Variants in POU2F1 observed in about 807,000 individuals in gnomAD.
POU2F1 encodes the protein POU domain, class 2, transcription factor 1.
POU2F1 carries 16 observed loss-of-function variants against 84.9 expected under a neutral mutation model. The ratio of observed to expected loss-of-function variants is 0.19; its 90% CI spans 0.13 to 0.29. The LOEUF (loss-of-function observed/expected upper bound fraction) is 0.29, where lower values mean the gene tolerates loss of function less well. Among genes scored for constraint, POU2F1 ranks in the 10% least tolerant of loss-of-function variants. The pLI is 1.00. For missense variants in POU2F1, 738 were observed against 942.6 expected, an observed-to-expected ratio of 0.78 and a Z score of 2.84; for synonymous variants, 368 against 368.3, an observed-to-expected ratio of 1.00 and a Z score of 0.01.
chr1:167,248,524 G>A (rs932561025), intron 1 of POU2F1, among the ~76,000 whole-genome samples: 43 of 152,296 alleles, frequency 2.8e-4, no homozygotes, highest in African/African-American at 9.9e-4. Context: ...GATAAATGCT[G>A]TGAAGGATAT....
chr1:167,416,007 G>A lies in POU2F1; in HGVS notation c.*197G>A, dbSNP rs1415638819. On this transcript the variant is annotated 3_prime_UTR_variant, in exon 16 of 16. Transcript: ENST00000367866. ...AGAAAAAGAAAGAAAGGATGGAGAC[G>A]GAACATTTGCCTAATTTTGTAATAA... 12 of 677,252 alleles carry A rather than the reference G, an allele frequency of 1.8e-5. No homozygotes were observed. The highest frequency in any genetic ancestry group is 7.1e-5 in the South Asian group (4 of 56,516). The allele number at this position is 677,252 out of a possible 1,614,324, so 42.0% of individuals were successfully genotyped here. A position where few individuals can be genotyped will look rare whatever the true frequency, so the allele number is the denominator to read the frequency against.
At chr1:167,365,193 G>A (rs1659608137) in intron 2 of POU2F1, among the ~76,000 whole-genome samples, 1 of 152,106 alleles carries the variant, frequency 6.6e-6, no homozygotes, top group African/African-American at 2.4e-5. Context: ...ATTCACATCT[G>A]AATTTTCACA....
chr1:167,270,691 T>A (rs1434047981), intron 1 of POU2F1, among the ~76,000 whole-genome samples: 1 of 152,230 alleles, frequency 6.6e-6, no homozygotes, highest in African/African-American at 2.4e-5. Flanking sequence ...CACTCCATAG[T>A]CAAACACAGA....
At chr1:167,270,396 T>A (rs1373214531) in intron 1 of POU2F1, among the ~76,000 whole-genome samples, 1 of 152,152 alleles carries the variant, frequency 6.6e-6, no homozygotes, top group East Asian at 1.9e-4. Context: ...GGTACAGCAG[T>A]CTGCAAGAAG....
intron 1 of POU2F1, among the ~76,000 whole-genome samples, chr1:167,255,079 G>A (rs1651031955): frequency 1.3e-5 from 2 of 152,126 alleles, no homozygotes; most frequent in Non-Finnish European, 2.9e-5. Flanking sequence ...TGTAAGTTCA[G>A]GCATCTGTAT....
At chr1:167,387,221 A>G (rs906743737) in intron 8 of POU2F1, 29 of 455,884 alleles carry the variant, frequency 6.4e-5, no homozygotes, top group Non-Finnish European at 1.3e-4. Context: ...AGCTGGGGTA[A>G]CTTATCTGTA....
chr1:167,336,891 C>T (rs951644806), intron 2 of POU2F1, among the ~76,000 whole-genome samples: 14 of 151,766 alleles, frequency 9.2e-5, no homozygotes, highest in South Asian at 2.1e-4. Flanking sequence ...CTAAGCCAGG[C>T]GCCATGGCTC....
Position 167,286,637 on chromosome 1 carries a change from A to G in POU2F1, c.62-45833A>G, listed in dbSNP as rs191356981. 4.0e-3 allele frequency among the ~76,000 whole-genome samples: 604 copies of G among 152,340 alleles called. 5 individuals carry two copies. Among genetic ancestry groups the G allele is most frequent in the Non-Finnish European group, 5.5e-3 (373 of 68,032 alleles). The stretch of plus-strand genomic sequence containing the variant: ...TTGAGCACTAGAGATGTCTGTTAAA[A>G]TCAGGGCAGAGAAATAGACAAGTAA... On this transcript the variant is annotated intron_variant, in intron 1 of 15. Transcript: ENST00000367866.
chr1:167,265,989 TA>T (rs1170440735), intron 1 of POU2F1, among the ~76,000 whole-genome samples: 1 of 152,258 alleles, frequency 6.6e-6, no homozygotes, highest in South Asian at 2.1e-4. Context: ...ACTTGTTGTG[TA>T]TACAAGGTGT....
At chr1:167,349,102 A>G (rs1033021568) in intron 2 of POU2F1, among the ~76,000 whole-genome samples, 5 of 152,070 alleles carry the variant, frequency 3.3e-5, no homozygotes, top group Non-Finnish European at 7.4e-5. Flanking sequence ...CTTAGATTTT[A>G]TTTTTTAACG....
At chr1:167,343,659 T>A (rs1658009598) in intron 2 of POU2F1, among the ~76,000 whole-genome samples, 1 of 40,754 alleles carries the variant, frequency 2.5e-5, no homozygotes, top group Non-Finnish European at 4.1e-5. Context: ...TTTTTTTTTT[T>A]TTTTTTTTTT....
Position 167,402,437 on chromosome 1 carries a change from T to G in POU2F1, c.1555+881T>G, listed in dbSNP as rs1557961686. Among the ~76,000 whole-genome samples the G allele has an allele frequency of 2.6e-5, 4 of 152,262 alleles. No individual in the cohort carries two copies. The South Asian group carries it at 8.3e-4, about 32-fold the overall frequency. On this transcript the variant is annotated intron_variant, in intron 13 of 15. Coordinates refer to ENST00000367866, the MANE Select transcript of POU2F1 (RefSeq NM_002697.4). The stretch of plus-strand genomic sequence containing the variant: ...ATGGCTTTATATTATATTAAATTTC[T>G]ACATTATTAGAACATTTTGTTTATT...
chr1:167,257,427 A>G (rs1433512598), intron 1 of POU2F1, among the ~76,000 whole-genome samples: 2 of 152,240 alleles, frequency 1.3e-5, no homozygotes, highest in Admixed American at 1.3e-4. Context: ...GTCAGTTACT[A>G]TAATTCTTTC....
intron 1 of POU2F1, among the ~76,000 whole-genome samples, chr1:167,261,894 A>G (rs1571188049): frequency 6.6e-6 from 1 of 152,190 alleles, no homozygotes; most frequent in East Asian, 1.9e-4. Flanking sequence ...CATGTTGCCC[A>G]GGCCAGTCTG....
At chr1:167,236,392 C>T (rs562669014) in intron 1 of POU2F1, among the ~76,000 whole-genome samples, 5 of 152,128 alleles carry the variant, frequency 3.3e-5, no homozygotes, top group South Asian at 4.1e-4. Context: ...TGAGCCACCG[C>T]GCCCGGCCGA....
At chr1:167,346,653 T>C (rs1457355816) in intron 2 of POU2F1, among the ~76,000 whole-genome samples, 2 of 152,208 alleles carry the variant, frequency 1.3e-5, no homozygotes, top group Non-Finnish European at 2.9e-5. Flanking sequence ...TATGAGAATC[T>C]AGTGCCACTG....
Position 167,266,902 on chromosome 1 carries a change from G to A in POU2F1, c.61+45944G>A, listed in dbSNP as rs559084023. Among the ~76,000 whole-genome samples, 11 of 152,156 alleles carry A rather than the reference G, an allele frequency of 7.2e-5. No homozygotes were observed. The East Asian group carries it at 1.9e-3, about 27-fold the overall frequency. The stretch of plus-strand genomic sequence containing the variant: ...CTCCCAAAGTACTGGGATTACCGGC[G>A]TGAGACACCGCAAAATGTTCATATT... On this transcript the variant is annotated intron_variant, in intron 1 of 15. Coordinates refer to ENST00000367866, the MANE Select transcript of POU2F1 (RefSeq NM_002697.4).
intron 1 of POU2F1, among the ~76,000 whole-genome samples, chr1:167,279,874 G>A (rs1652994137): frequency 1.3e-5 from 2 of 152,042 alleles, no homozygotes; most frequent in Admixed American, 1.3e-4. Flanking sequence ...GGAAACATAG[G>A]ATAAGCACTC....
chr1:167,273,250 C>T (rs536876144), intron 1 of POU2F1, among the ~76,000 whole-genome samples: 4 of 152,284 alleles, frequency 2.6e-5, no homozygotes, highest in Admixed American at 1.3e-4. Context: ...TACAGGCTGT[C>T]GTTGAGTGCA....
Sources: allele counts gnomAD v4.1 joint callset (sites outside exome capture counted in the v4.1 genomes callset), GRCh38; gene constraint gnomAD v4.1.1; transcripts MANE v1.5; gene names NCBI Gene and HGNC (gene_info 2026-07-23, HGNC 2026-07-21).